ARHGEF37: variants seen among roughly 807,000 people sequenced by gnomAD.
ARHGEF37 encodes the protein Rho guanine nucleotide exchange factor 37.
A neutral mutation model predicts 71.1 loss-of-function variants in ARHGEF37; 55 were observed. That is an observed-to-expected ratio of 0.77 (90% CI 0.62 to 0.97). ARHGEF37 has a LOEUF of 0.97. Among genes scored for constraint, ARHGEF37 ranks in the 50% least tolerant of loss-of-function variants. The pLI is 0.00. For missense variants in ARHGEF37, 765 were observed against 836.8 expected, an observed-to-expected ratio of 0.91 and a Z score of 1.06; for synonymous variants, 327 against 350.6, an observed-to-expected ratio of 0.93 and a Z score of 0.75.
chr5:149,568,883 G>A (rs1226900871), intron 1 of ARHGEF37, among the ~76,000 whole-genome samples: 1 of 149,318 alleles, frequency 6.7e-6, no homozygotes, highest in African/African-American at 2.5e-5. Context: ...TCTTTTCCTA[G>A]TCAGTCACTT....
chr5:149,565,829 A>ATTTTTTTTTTTTTTTTTTTTTT (rs201683478), intron 1 of ARHGEF37, among the ~76,000 whole-genome samples: 15 of 84,576 alleles, frequency 1.8e-4, no homozygotes, highest in Admixed American at 3.4e-4. Flanking sequence ...AGAAACTCTA[A>ATTTTTTTTTTTTTTTTTTTTTT]TTTTTTTTTT....
At chr5:149,581,252 T>C (rs1763098782), upstream of ARHGEF37, among the ~76,000 whole-genome samples, 1 of 152,126 alleles carries the variant, frequency 6.6e-6, no homozygotes, top group Non-Finnish European at 1.5e-5. Flanking sequence ...GCGGAGAAGG[T>C]GGCTTAATGA....
At chr5:149,618,070 T>G in intron 5 of ARHGEF37, 106 bp from the exon 6 acceptor site, 1 of 1,490,122 alleles carries the variant, frequency 6.7e-7, no homozygotes, top group Non-Finnish European at 9.2e-7. Flanking sequence ...AATGTGACCC[T>G]GATGGAGCAG....
intron 3 of ARHGEF37, among the ~76,000 whole-genome samples, chr5:149,602,152 G>A (rs1337603206): frequency 6.6e-6 from 1 of 151,754 alleles, no homozygotes. Flanking sequence ...CGCCTCCTGG[G>A]TTCAAGCAAT....
At chr5:149,622,203 G>A (rs1363812063) in intron 9 of ARHGEF37, 141 bp downstream of exon 9, 1 of 801,770 alleles carries the variant, frequency 1.2e-6, no homozygotes, top group African/African-American at 1.7e-5. Context: ...AAGAGGCAGT[G>A]GGAACCTTCC....
At chr5:149,554,486 G>A (rs1007715874) in intron 1 of ARHGEF37, among the ~76,000 whole-genome samples, 2 of 151,982 alleles carry the variant, frequency 1.3e-5, no homozygotes, top group South Asian at 4.1e-4. Flanking sequence ...TGTATATAAG[G>A]TATGAGTCCT....
chr5:149,598,082 C>A (rs1763604515), intron 2 of ARHGEF37, 127 bp downstream of exon 2: 2 of 1,167,500 alleles, frequency 1.7e-6, no homozygotes, highest in Non-Finnish European at 2.4e-6. Context: ...TGAAGTCTGA[C>A]AGACCTGGAT....
At chr5:149,562,008 A>G (rs77063086) in intron 1 of ARHGEF37, among the ~76,000 whole-genome samples, 5,597 of 152,254 alleles carry the variant, frequency 0.037, 164 homozygotes, top group Non-Finnish European at 0.056. Flanking sequence ...CTAAATTTGG[A>G]AGATGCTTGA....
At chr5:149,589,284 T>G (rs1213393064) in intron 1 of ARHGEF37, among the ~76,000 whole-genome samples, 1 of 152,130 alleles carries the variant, frequency 6.6e-6, no homozygotes, top group Non-Finnish European at 1.5e-5. Flanking sequence ...TATCATTTTT[T>G]AAAAGTTTTA....
At chr5:149,568,947 C>T (rs1762931067) in intron 1 of ARHGEF37, among the ~76,000 whole-genome samples, 1 of 151,498 alleles carries the variant, frequency 6.6e-6, no homozygotes, top group South Asian at 2.1e-4. Flanking sequence ...GATTTGTTTT[C>T]CCTATTCTAA....
chr5:149,553,696 A>T (rs1407272325), intron 1 of ARHGEF37, among the ~76,000 whole-genome samples: 2 of 152,234 alleles, frequency 1.3e-5, no homozygotes, highest in Admixed American at 6.5e-5. Flanking sequence ...GCAAGTGGCT[A>T]ACAAAGTTTG....
At chr5:149,571,030 C>T (rs1345638797) in intron 1 of ARHGEF37, among the ~76,000 whole-genome samples, 1 of 152,058 alleles carries the variant, frequency 6.6e-6, no homozygotes, top group Non-Finnish European at 1.5e-5. Context: ...GCAACCTCTG[C>T]CTCCCAGGTT....
At chr5:149,571,608 A>T (rs1762966384) in intron 1 of ARHGEF37, among the ~76,000 whole-genome samples, 1 of 152,166 alleles carries the variant, frequency 6.6e-6, no homozygotes, top group Admixed American at 6.5e-5. Flanking sequence ...AAATCACAGT[A>T]GGCTATTTAA....
intron 1 of ARHGEF37, among the ~76,000 whole-genome samples, chr5:149,596,037 A>ATT (rs1763535951): frequency 6.7e-6 from 1 of 148,608 alleles, no homozygotes; most frequent in African/African-American, 2.5e-5. Flanking sequence ...TCCTATTCCT[A>ATT]CCTGGGCACT....
intron 1 of ARHGEF37, among the ~76,000 whole-genome samples, chr5:149,592,366 T>A: frequency 6.6e-6 from 1 of 152,242 alleles, no homozygotes; most frequent in African/African-American, 2.4e-5. Flanking sequence ...TCTCTACAAT[T>A]TTCTTTGTTA....
rs1226985666 is a variant in ARHGEF37 at position 149,632,353 on chromosome 5, G to A, written c.*162G>A. 2.2e-5 allele frequency: 16 copies of A among 741,634 alleles called. No homozygotes were observed. Among genetic ancestry groups the A allele is most frequent in the East Asian group, 8.1e-5 (3 of 36,872 alleles). 45.9% of individuals were successfully genotyped at this position (741,634 alleles called of 1,614,324 possible). A position where few individuals can be genotyped will look rare whatever the true frequency, so the allele number is the denominator to read the frequency against. On this transcript the variant is annotated 3_prime_UTR_variant, in exon 13 of 13. Coordinates refer to ENST00000333677, the MANE Select transcript of ARHGEF37 (RefSeq NM_001001669.3). ...CAGCCAGAAGACATGGGCGGGCCTC[G>A]CAGAGTGCTTGGTGTGGTGGGGGCA...
intron 1 of ARHGEF37, among the ~76,000 whole-genome samples, chr5:149,569,290 TTC>T (rs1762935050): frequency 6.6e-6 from 1 of 151,620 alleles, no homozygotes; most frequent in Non-Finnish European, 1.5e-5. Context: ...TAAGAGAAGT[TTC>T]TGTTTATTTT....
At chr5:149,597,993 G>T (rs1435151339) in intron 2 of ARHGEF37, 38 bp downstream of exon 2, 3 of 1,505,314 alleles carry the variant, frequency 2.0e-6, no homozygotes, top group African/African-American at 2.9e-5. Context: ...GTCTTTATAG[G>T]GGCAAATGTG....
intron 9 of ARHGEF37, among the ~76,000 whole-genome samples, 186 bp from the exon 10 acceptor site, chr5:149,623,826 C>T (rs1007344019): frequency 6.6e-6 from 1 of 152,202 alleles, no homozygotes; most frequent in African/African-American, 2.4e-5. Flanking sequence ...TGGTGACAAG[C>T]TGTGGCATCT....
Sources: allele counts gnomAD v4.1 joint callset (sites outside exome capture counted in the v4.1 genomes callset), GRCh38; gene constraint gnomAD v4.1.1; transcripts MANE v1.5; gene names NCBI Gene and HGNC (gene_info 2026-07-23, HGNC 2026-07-21).